Variants in DACH1 observed in about 807,000 individuals in gnomAD.
DACH1 encodes the protein dachshund homolog 1.
A neutral mutation model predicts 54.2 loss-of-function variants in DACH1; 12 were observed. The ratio of observed to expected loss-of-function variants is 0.22; its 90% CI spans 0.14 to 0.36. The LOEUF is 0.36. DACH1 is among the 10% of genes least tolerant of loss of function. The pLI, the probability that DACH1 is intolerant of heterozygous loss-of-function variation, is 1.00. For missense variants in DACH1, 805 were observed against 929.8 expected (o/e 0.87, Z 1.75); for synonymous variants, 386 against 366.2 (o/e 1.05, Z -0.62).
At chr13:71,845,996 T>G (rs1873218690) in intron 1 of DACH1, 1 of 172,850 alleles carries the variant, frequency 5.8e-6, no homozygotes, top group Non-Finnish European at 1.3e-5. Context: ...TGGAAGGCTG[T>G]GGTCGAAGGC....
intron 1 of DACH1, among the ~76,000 whole-genome samples, chr13:71,683,316 T>A (rs1881000964): frequency 6.6e-6 from 1 of 152,084 alleles, no homozygotes; most frequent in African/African-American, 2.4e-5. Context: ...TGGATGATGA[T>A]ACTACCATGT....
At chr13:71,528,936 T>C (rs1566318562) in intron 6 of DACH1, among the ~76,000 whole-genome samples, 2 of 152,160 alleles carry the variant, frequency 1.3e-5, no homozygotes. Context: ...TATTAGAGAA[T>C]ATTTAAAACA....
chr13:71,482,006 A>AT (rs946359005), intron 7 of DACH1, among the ~76,000 whole-genome samples: 1 of 152,162 alleles, frequency 6.6e-6, no homozygotes, highest in Non-Finnish European at 1.5e-5. Flanking sequence ...TTAAAGCATG[A>AT]TTTTTTCTCC....
intron 1 of DACH1, among the ~76,000 whole-genome samples, chr13:71,716,814 T>C (rs973173706): frequency 6.6e-6 from 1 of 152,172 alleles, no homozygotes; most frequent in East Asian, 1.9e-4. Context: ...ACAAATGAAT[T>C]ATTTTTTGAA....
chr13:71,461,447 C>CTATT (rs1555282885), intron 10 of DACH1, among the ~76,000 whole-genome samples: 1 of 151,940 alleles, frequency 6.6e-6, no homozygotes, highest in Non-Finnish European at 1.5e-5. Flanking sequence ...ATCTCTCTTA[C>CTATT]TATTATCAGA....
At chr13:71,693,341 C>T (rs374559889) in intron 1 of DACH1, among the ~76,000 whole-genome samples, 203 of 126,184 alleles carry the variant, frequency 1.6e-3, no homozygotes, top group African/African-American at 6.0e-3. Flanking sequence ...CTCGCTCTGT[C>T]GCCCAGGCTG....
intron 4 of DACH1, among the ~76,000 whole-genome samples, chr13:71,564,496 T>C (rs1233438371): frequency 6.7e-6 from 1 of 148,702 alleles, no homozygotes; most frequent in African/African-American, 2.5e-5. Context: ...AAGGTCATAC[T>C]AATAAACTAA....
chr13:71,755,584 A>G (rs1157983364), intron 1 of DACH1, among the ~76,000 whole-genome samples: 1 of 152,202 alleles, frequency 6.6e-6, no homozygotes, highest in Non-Finnish European at 1.5e-5. Flanking sequence ...TTCCAGGGCT[A>G]CTAAGTAGCA....
intron 1 of DACH1, among the ~76,000 whole-genome samples, chr13:71,843,953 G>T (rs530057241): frequency 5.0e-4 from 76 of 152,206 alleles, no homozygotes; most frequent in South Asian, 4.8e-3. Flanking sequence ...ATTGCCCTAG[G>T]GAAGTCATAA....
intron 6 of DACH1, among the ~76,000 whole-genome samples, chr13:71,521,710 C>T (rs981558808): frequency 6.6e-6 from 1 of 152,016 alleles, no homozygotes; most frequent in African/African-American, 2.4e-5. Context: ...ATCACCTGAT[C>T]CCAGAGCATC....
chr13:71,857,738 G>A (rs1288507262), intron 1 of DACH1, among the ~76,000 whole-genome samples: 1 of 151,678 alleles, frequency 6.6e-6, no homozygotes, highest in African/African-American at 2.4e-5. Flanking sequence ...CACTATTTAA[G>A]TGTAAGTGCC....
intron 2 of DACH1, among the ~76,000 whole-genome samples, chr13:71,678,746 C>A (rs1880718613): frequency 6.6e-6 from 1 of 152,138 alleles, no homozygotes; most frequent in Admixed American, 6.5e-5. Context: ...AAACCTGGAT[C>A]TCCCAGGTTC....
intron 3 of DACH1, among the ~76,000 whole-genome samples, chr13:71,584,500 A>G (rs1400094079): frequency 6.6e-6 from 1 of 152,140 alleles, no homozygotes; most frequent in Non-Finnish European, 1.5e-5. Flanking sequence ...GCAAATTACT[A>G]TGATGGGTGT....
At chr13:71,856,588 G>A (rs1345854240) in intron 1 of DACH1, among the ~76,000 whole-genome samples, 5 of 151,708 alleles carry the variant, frequency 3.3e-5, no homozygotes, top group Admixed American at 1.3e-4. Context: ...ACTTTTTACC[G>A]AATACTGTGT....
rs1471855523 is a variant in DACH1, at chr13:71,437,970, T to G, written c.*2685A>C. 1 of 152,252 alleles carries G rather than the reference T, an allele frequency of 6.6e-6. No homozygotes were observed. The highest frequency in any genetic ancestry group is 1.5e-5 in the Non-Finnish European group (1 of 67,860). 9.4% of individuals were successfully genotyped at this position (152,252 alleles called of 1,614,324 possible). On this transcript the variant is annotated 3_prime_UTR_variant, in exon 11 of 11. Transcript: ENST00000613252. ...AACTGTAAATAAAGTCACAGGGAGA[T>G]TTCAGACAGTTTTATTAGGAGATTG...
At chr13:71,582,126 T>C (rs566753676) in intron 3 of DACH1, among the ~76,000 whole-genome samples, 11 of 152,140 alleles carry the variant, frequency 7.2e-5, no homozygotes, top group Admixed American at 3.9e-4. Context: ...CTATAAACCA[T>C]AGAATAAGTC....
chr13:71,518,046 C>T (rs1337812463), intron 6 of DACH1, among the ~76,000 whole-genome samples: 2 of 151,798 alleles, frequency 1.3e-5, no homozygotes, highest in South Asian at 2.1e-4. Context: ...AGCTTGGTAA[C>T]CTACCTTGTT....
chr13:71,843,172 G>C (rs1872997839), intron 1 of DACH1, among the ~76,000 whole-genome samples: 1 of 152,108 alleles, frequency 6.6e-6, no homozygotes, highest in African/African-American at 2.4e-5. Context: ...ACATTATGGA[G>C]AATGGGGTAT....
At position 71,866,283 on chromosome 13, in the gene DACH1, T is replaced by G; in HGVS notation, c.487A>C (p.Ser163Arg). 1 of 1,579,284 alleles carries G rather than the reference T, an allele frequency of 6.3e-7. No individual in the cohort carries two copies. Among genetic ancestry groups the G allele is most frequent in the Non-Finnish European group, 8.6e-7 (1 of 1,162,146 alleles). The change falls in exon 1 of 11, where the codon AGC (serine) becomes CGC (arginine). Residue 163 changes from serine to arginine, a missense_variant. Physicochemically the swap from Ser to Arg is moderately radical, Grantham distance 110. Transcript: ENST00000613252. ...SSSSSSSSSS[S>R]CGPLPGKPVY... ...GGTTTCCCGGGGAGGGGGCCGCAGC[T>G]GCTGCTGCTACTGCTGCTGCTGCTA...
Sources: gnomAD v4.1 joint callset for allele counts (sites outside exome capture counted in the v4.1 genomes callset) on GRCh38, gnomAD v4.1.1 for gene constraint, MANE v1.5 for transcripts, NCBI Gene and HGNC (gene_info 2026-07-23, HGNC 2026-07-21) for gene names.